Variants in PTPN3 observed in about 807,000 individuals in gnomAD.
PTPN3 encodes protein tyrosine phosphatase non-receptor type 3.
Under a neutral mutation model 132.7 loss-of-function variants are expected in PTPN3, and 96 were observed. The observed-to-expected ratio is 0.72, with a 90% CI of 0.61 to 0.86. The LOEUF (loss-of-function observed/expected upper bound fraction) is 0.86, where lower values mean the gene tolerates loss of function less well. Among genes scored for constraint, PTPN3 ranks in the 40% least tolerant of loss-of-function variants. PTPN3 has a pLI of 0.00. For missense variants in PTPN3, 1,125 were observed against 1,159.6 expected, an observed-to-expected ratio of 0.97 and a Z score of 0.43; for synonymous variants, 398 against 429.0, an observed-to-expected ratio of 0.93 and a Z score of 0.89.
the PTPN3 span, among the ~76,000 whole-genome samples, chr9:109,535,819 T>C: frequency 5.9e-5 from 9 of 152,238 alleles, no homozygotes; most frequent in East Asian, 1.9e-4. Flanking sequence ...ACATTCTCTT[T>C]AGAGCCTTCT....
chr9:109,388,905 T>C (rs779292466), intron 22 of PTPN3, among the ~76,000 whole-genome samples: 25 of 152,202 alleles, frequency 1.6e-4, no homozygotes, highest in Admixed American at 2.0e-4. Context: ...AAGGCCACTG[T>C]TAACCTGGCA....
intron 9 of PTPN3, among the ~76,000 whole-genome samples, chr9:109,433,449 C>G (rs1222134340): frequency 1.3e-5 from 2 of 152,210 alleles, no homozygotes; most frequent in Non-Finnish European, 2.9e-5. Context: ...TACATGAACA[C>G]TCAAGCTTTA....
chr9:109,400,496 G>C (rs1841000123), intron 19 of PTPN3, among the ~76,000 whole-genome samples: 1 of 152,312 alleles, frequency 6.6e-6, no homozygotes, highest in Non-Finnish European at 1.5e-5. Context: ...GTCTGGCTCC[G>C]TGTAGGGAGA....
At position 109,427,030 on chromosome 9, in the gene PTPN3, GA is replaced by G; in HGVS notation, c.920del (p.Phe307SerfsTer30). 1 of 1,613,864 alleles carries G rather than the reference GA, an allele frequency of 6.2e-7. No homozygotes were observed. The highest frequency in any genetic ancestry group is 8.5e-7 in the Non-Finnish European group (1 of 1,179,756). ...LWKSCVEHHT[F>X]FQAKKLLPQE... ...GAGGTAGTAGCTTCTTTGCCTGAAA[GA>G]ACGTATGGTGCTCAACACAGGATTT... On this transcript the variant is annotated frameshift_variant, in exon 12 of 26. Transcript: ENST00000374541. LOFTEE classifies it high-confidence loss of function.
chr9:109,469,611 T>G (rs1846268984), intron 1 of PTPN3, among the ~76,000 whole-genome samples: 1 of 152,180 alleles, frequency 6.6e-6, no homozygotes, highest in Admixed American at 6.5e-5. Context: ...AGAGTGAGAC[T>G]CTTATCTCAA....
the PTPN3 span, among the ~76,000 whole-genome samples, chr9:109,524,854 C>T: frequency 6.6e-6 from 1 of 152,220 alleles, no homozygotes; most frequent in Admixed American, 6.5e-5. Context: ...CCTCCTACCT[C>T]TGCCTCCCGA....
chr9:109,383,271 G>A, intron 23 of PTPN3, 152 bp downstream of exon 23: 1 of 1,359,680 alleles, frequency 7.4e-7, no homozygotes, highest in Non-Finnish European at 1.0e-6. Flanking sequence ...TGAACTCTGG[G>A]CCCTGGCTCT....
chr9:109,444,812 C>A (rs752623513), intron 7 of PTPN3, among the ~76,000 whole-genome samples: 8 of 152,288 alleles, frequency 5.3e-5, no homozygotes, highest in Middle Eastern at 3.4e-3. Context: ...ACCAACCAAG[C>A]AGCAGGGGTG....
At chr9:109,485,533 A>G (rs1439284846) in intron 1 of PTPN3, among the ~76,000 whole-genome samples, 2 of 152,058 alleles carry the variant, frequency 1.3e-5, no homozygotes, top group Admixed American at 1.3e-4. Context: ...AAATAAATAA[A>G]AATAAAAAGT....
intron 14 of PTPN3, among the ~76,000 whole-genome samples, chr9:109,418,168 C>G (rs1469739456): frequency 6.6e-6 from 1 of 152,286 alleles, no homozygotes; most frequent in South Asian, 2.1e-4. Flanking sequence ...GTGACAGAGC[C>G]CTGGAGTGTG....
chr9:109,410,776 A>G (rs1842015348), intron 14 of PTPN3, among the ~76,000 whole-genome samples: 1 of 152,238 alleles, frequency 6.6e-6, no homozygotes, highest in Non-Finnish European at 1.5e-5. Flanking sequence ...GCAGATGCAC[A>G]GCCCATCCCT....
Position 109,383,202 on chromosome 9 carries a change from C to T in PTPN3, c.2382+221G>A. 3 of 657,520 alleles carry T rather than the reference C, an allele frequency of 4.6e-6. No individual in the cohort carries two copies. The Admixed American group carries it at 7.9e-5, about 17-fold the overall frequency. 40.7% of individuals were successfully genotyped at this position (657,520 alleles called of 1,614,324 possible). The stretch of plus-strand genomic sequence containing the variant: ...ACAGACCACGTGCTGTTTATCCATT[C>T]CTCCATCGATGGACACTGGGCTGTT... On this transcript the variant is annotated intron_variant, in intron 23 of 25. Coordinates refer to ENST00000374541, the MANE Select transcript of PTPN3 (RefSeq NM_002829.4).
At chr9:109,522,496 C>T in the PTPN3 span, among the ~76,000 whole-genome samples, 2 of 152,178 alleles carry the variant, frequency 1.3e-5, no homozygotes, top group African/African-American at 2.4e-5. Flanking sequence ...TAGCATCCAA[C>T]CTTGCAGCTA....
At chr9:109,455,822 C>T (rs990662051) in intron 4 of PTPN3, among the ~76,000 whole-genome samples, 1 of 152,170 alleles carries the variant, frequency 6.6e-6, no homozygotes, top group African/African-American at 2.4e-5. Flanking sequence ...AGGGGAGAGT[C>T]CAAATTTGAT....
intron 2 of PTPN3, among the ~76,000 whole-genome samples, chr9:109,461,357 C>T (rs1393638536): frequency 3.9e-5 from 6 of 152,248 alleles, no homozygotes; most frequent in Middle Eastern, 6.8e-3. Flanking sequence ...TAACACACAT[C>T]GTAGGAGCTT....
intron 14 of PTPN3, among the ~76,000 whole-genome samples, chr9:109,418,353 T>C (rs1194027525): frequency 6.6e-6 from 1 of 152,190 alleles, no homozygotes; most frequent in Non-Finnish European, 1.5e-5. Flanking sequence ...TTGGACAGAA[T>C]GCATCCCTCC....
rs1845614034 is a variant in PTPN3 at position 109,457,291 on chromosome 9, C to T, written c.246+1G>A. The T allele has an allele frequency of 5.0e-6, 8 of 1,613,572 alleles. No homozygotes were observed. The highest frequency in any genetic ancestry group is 6.8e-6 in the Non-Finnish European group (8 of 1,179,524). The stretch of plus-strand genomic sequence containing the variant: ...GCACATTTTTTAAAAATGGCACTTA[C>T]AGGAGAGTCCACGGAGTCGTCATCA... On this transcript the variant is annotated splice_donor_variant, in intron 3 of 25. Transcript: ENST00000374541. LOFTEE classifies it high-confidence loss of function.
intron 10 of PTPN3, among the ~76,000 whole-genome samples, chr9:109,432,514 C>G (rs899396419): frequency 3.3e-5 from 5 of 152,158 alleles, no homozygotes; most frequent in African/African-American, 1.2e-4. Flanking sequence ...TAAGAAAGCT[C>G]CCTGTTGCCT....
chr9:109,532,930 G>A, the PTPN3 span: 3 of 841,768 alleles, frequency 3.6e-6, no homozygotes, highest in Non-Finnish European at 4.8e-6. Flanking sequence ...GTGGTTTAGG[G>A]TTTTCTTTTC....
Sources: allele counts gnomAD v4.1 joint callset (sites outside exome capture counted in the v4.1 genomes callset), GRCh38; gene constraint gnomAD v4.1.1; transcripts MANE v1.5; gene names NCBI Gene and HGNC (gene_info 2026-07-23, HGNC 2026-07-21).